Variants in SPATA7 observed in about 807,000 individuals in gnomAD.
SPATA7 encodes spermatogenesis associated 7.
A neutral mutation model predicts 51.8 loss-of-function variants in SPATA7; 43 were observed. That is an observed-to-expected ratio of 0.83 (90% confidence interval 0.65 to 1.07). SPATA7 has a LOEUF of 1.07. Among genes scored for constraint, SPATA7 ranks in the 50% least tolerant of loss-of-function variants. The pLI is 0.00. For synonymous variants in SPATA7, 230 were observed against 252.8 expected (o/e 0.91, Z 0.86); for missense variants, 683 against 701.3 (o/e 0.97, Z 0.30).
At chr14:88,402,959 CAAAAAAAA>C (rs56330042) in intron 4 of SPATA7, among the ~76,000 whole-genome samples, 1 of 62,030 alleles carries the variant, frequency 1.6e-5, no homozygotes, top group East Asian at 6.1e-4. Flanking sequence ...AACTCAATAG[CAAAAAAAA>C]AAAAAAAAAA....
intron 3 of SPATA7, 57 bp from the exon 4 acceptor site, chr14:88,396,099 G>A: frequency 7.3e-7 from 1 of 1,362,916 alleles, no homozygotes; most frequent in South Asian, 1.2e-5. Context: ...TCCACATTTG[G>A]TATTTGTCAT....
At chr14:88,449,938 T>C (rs1031603008) in intron 3 of SPATA7, among the ~76,000 whole-genome samples, 1 of 152,104 alleles carries the variant, frequency 6.6e-6, no homozygotes, top group Non-Finnish European at 1.5e-5. Flanking sequence ...GATATTCCAT[T>C]GGTAACAAAT....
At chr14:88,468,338 G>A (rs1452525015) in intron 4 of SPATA7, 9 of 1,417,946 alleles carry the variant, frequency 6.3e-6, no homozygotes, top group Non-Finnish European at 8.5e-6. Flanking sequence ...GGACACGAGT[G>A]TCCTGGCAGA....
At chr14:88,426,780 T>C in intron 6 of SPATA7, 76 bp downstream of exon 6, 1 of 1,335,300 alleles carries the variant, frequency 7.5e-7, no homozygotes, top group Non-Finnish European at 1.0e-6. Context: ...TTCCTTGTTT[T>C]CTGCTGCCAG....
At chr14:88,402,771 T>C (rs146402597) in intron 4 of SPATA7, among the ~76,000 whole-genome samples, 179 of 152,110 alleles carry the variant, frequency 1.2e-3, no homozygotes, top group African/African-American at 3.9e-3. Flanking sequence ...GATATGACTC[T>C]GAAAGCCAGG....
At chr14:88,401,836 CAAAAAAAAAAAAA>C (rs57942112) in intron 4 of SPATA7, among the ~76,000 whole-genome samples, 2 of 33,222 alleles carry the variant, frequency 6.0e-5, no homozygotes, top group African/African-American at 1.1e-4. Flanking sequence ...GACCCTGTCT[CAAAAAAAAAAAAA>C]AAAAAAAAAA....
At chr14:88,441,811 A>G (rs2077180189), downstream of SPATA7, among the ~76,000 whole-genome samples, 1 of 152,008 alleles carries the variant, frequency 6.6e-6, no homozygotes, top group African/African-American at 2.4e-5. Context: ...TTTACTGATT[A>G]TTTCTTTTGC....
Position 88,437,839 on chromosome 14 carries a change from A to G in SPATA7, c.1217A>G (p.Glu406Gly). 1 of 1,585,894 alleles carries G rather than the reference A, an allele frequency of 6.3e-7. No homozygotes were observed. The highest frequency in any genetic ancestry group is 2.2e-5 in the East Asian group (1 of 44,676). Reference sequence around the variant, plus strand: ...AGTCTCATCTTTTCTTAATCCTAGGAAAAAATGCGCCACCTGCTGCATGTC... The same window carrying G: ...AGTCTCATCTTTTCTTAATCCTAGGGAAAAATGCGCCACCTGCTGCATGTC... ...HIKQNKHLEE[E>G]KMRHLLHVLK... is the part of the protein sequence containing the mutation. The change falls in exon 12 of 12, where the codon GAA becomes GGA. Residue 406 changes from glutamate (E) to glycine (G), a missense_variant and splice_region_variant. By Grantham distance (98) the Glu-to-Gly change is moderately conservative. Coordinates refer to ENST00000393545, the MANE Select transcript of SPATA7 (RefSeq NM_018418.5).
chr14:88,458,918 T>G (rs2077301070), downstream of SPATA7, among the ~76,000 whole-genome samples: 2 of 152,228 alleles, frequency 1.3e-5, no homozygotes, highest in Admixed American at 6.5e-5. Flanking sequence ...TCTGGTATGT[T>G]GTGTCTTTGT....
chr14:88,407,007 A>G (rs1033736209), intron 4 of SPATA7, among the ~76,000 whole-genome samples: 2 of 152,222 alleles, frequency 1.3e-5, no homozygotes, highest in Admixed American at 1.3e-4. Flanking sequence ...CCAGAAAGAA[A>G]TATACCCATT....
intron 4 of SPATA7, chr14:88,467,856 A>G (rs902858467): frequency 1.6e-5 from 6 of 369,382 alleles, no homozygotes; most frequent in Admixed American, 1.5e-4. Context: ...AGAAAATACA[A>G]TCTCCAAAAT....
At chr14:88,437,752 A>T in intron 11 of SPATA7, 86 bp from the exon 12 acceptor site, 2 of 1,410,794 alleles carry the variant, frequency 1.4e-6, no homozygotes, top group Non-Finnish European at 1.9e-6. Flanking sequence ...AAGGAAAAGT[A>T]TTAATCCTGT....
At chr14:88,393,352 T>C in intron 2 of SPATA7, 41 bp from the exon 3 acceptor site, 1 of 1,310,662 alleles carries the variant, frequency 7.6e-7, no homozygotes, top group South Asian at 1.3e-5. Flanking sequence ...ATGATTTTTA[T>C]ATTAGTTTTA....
chr14:88,461,169 AG>A (rs2077314998), intron 4 of SPATA7, among the ~76,000 whole-genome samples: 1 of 152,152 alleles, frequency 6.6e-6, no homozygotes, highest in Non-Finnish European at 1.5e-5. Flanking sequence ...GACCCACTTG[AG>A]GGGGCAGTCT....
rs1299080759 is a variant in SPATA7, at chr14:88,450,001, C to A, written c.178-5059C>A. 4.6e-5 allele frequency among the ~76,000 whole-genome samples: 7 copies of A among 152,000 alleles called. No homozygotes were observed. The East Asian group carries it at 1.4e-3, about 29-fold the overall frequency. On this transcript the variant is annotated intron_variant, in intron 3 of 3. Transcript: ENST00000554802. ...TTTAATTACCATTTCAATCTTGCTGCTTGTTATTGGCCTGTTCAGAGTTTC... is the reference window on the plus strand; with the variant it reads ...TTTAATTACCATTTCAATCTTGCTGATTGTTATTGGCCTGTTCAGAGTTTC...
chr14:88,407,016 T>C (rs959713890), intron 4 of SPATA7, among the ~76,000 whole-genome samples: 3 of 152,214 alleles, frequency 2.0e-5, no homozygotes, highest in East Asian at 1.9e-4. Flanking sequence ...AATATACCCA[T>C]TGATGGGCAT....
At position 88,437,913 on chromosome 14, in the gene SPATA7, A is replaced by G; in HGVS notation, c.1291A>G (p.Asn431Asp). The change falls in exon 12 of 12, where the codon AAT becomes GAT. Residue 431 changes from asparagine to aspartate, a missense_variant. Coordinates refer to ENST00000393545, the MANE Select transcript of SPATA7 (RefSeq NM_018418.5). ...CTSEENSVKQ[N>D]DVDMLNVFDF... ...ATCGGAGGAAAACTCGGTAAAGCAA[A>G]ATGATGTTGATATGTTGAATGTATT... 6.2e-7 allele frequency: 1 copy of G among 1,611,958 alleles called. No homozygotes were observed. The highest frequency in any genetic ancestry group is 2.2e-5 in the East Asian group (1 of 44,854).
intron 4 of SPATA7, among the ~76,000 whole-genome samples, chr14:88,412,129 CTT>C (rs777373466): frequency 1.3e-5 from 2 of 151,502 alleles, no homozygotes; most frequent in South Asian, 4.2e-4. Context: ...ATGTTGAGTA[CTT>C]TTTTATTTGT....
intron 3 of SPATA7, among the ~76,000 whole-genome samples, chr14:88,448,955 T>G (rs576031059): frequency 6.6e-6 from 1 of 152,338 alleles, no homozygotes; most frequent in African/African-American, 2.4e-5. Flanking sequence ...TCTTCTCTCC[T>G]TTTCTTCGTT....
Sources: gnomAD v4.1 joint callset for allele counts (sites outside exome capture counted in the v4.1 genomes callset) on GRCh38, gnomAD v4.1.1 for gene constraint, MANE v1.5 for transcripts, NCBI Gene and HGNC (gene_info 2026-07-23, HGNC 2026-07-21) for gene names.